Variants in TIAM1 observed in about 807,000 individuals in gnomAD.
The protein encoded by TIAM1 is TIAM Rac1 associated GEF 1.
Under a neutral mutation model 163.5 loss-of-function variants are expected in TIAM1, and 65 were observed. The ratio of observed to expected loss-of-function variants is 0.40; its 90% CI spans 0.33 to 0.49. The LOEUF (loss-of-function observed/expected upper bound fraction) is 0.49. TIAM1 is among the 20% of genes least tolerant of loss of function. TIAM1 has a pLI of 0.77. For synonymous variants in TIAM1, 833 were observed against 810.1 expected, an observed-to-expected ratio of 1.03 and a Z score of -0.48; for missense variants, 1,789 against 2,044.7, an observed-to-expected ratio of 0.87 and a Z score of 2.41.
At chr21:31,409,112 CT>C (rs200352360) in intron 2 of TIAM1, among the ~76,000 whole-genome samples, 565 of 141,082 alleles carry the variant, frequency 4.0e-3, no homozygotes, top group African/African-American at 0.011. Flanking sequence ...TTCTCCTTTT[CT>C]TTTTTTTTTT....
At chr21:31,450,105 G>A (rs970849059) in intron 2 of TIAM1, among the ~76,000 whole-genome samples, 3 of 152,250 alleles carry the variant, frequency 2.0e-5, no homozygotes, top group Admixed American at 1.3e-4. Flanking sequence ...CCTGGGCCCC[G>A]AAAGCATTGC....
rs544486980 is a variant in TIAM1, at chr21:31,159,971, C to A, written c.2991+4991G>T. ...CTTCTCAAGGAAGCAGAAATAAAGT[C>A]AAAAACACCTCAAGCCTTATAAAAG... is the stretch of plus-strand genomic sequence containing the variant. On this transcript the variant is annotated intron_variant, in intron 16 of 27. Coordinates refer to ENST00000541036, the MANE Select transcript of TIAM1 (RefSeq NM_001353694.2). Among the ~76,000 whole-genome samples the A allele has an allele frequency of 7.2e-5, 11 of 152,218 alleles. No individual in the cohort carries two copies. The East Asian group carries it at 1.5e-3, about 21-fold the overall frequency.
intron 6 of TIAM1, among the ~76,000 whole-genome samples, chr21:31,226,966 T>C (rs797011084): frequency 6.7e-6 from 1 of 148,912 alleles, no homozygotes; most frequent in South Asian, 2.2e-4. Context: ...TTTTTTTTTT[T>C]TTTTTTTTGA....
chr21:31,150,152 C>T (rs6517014), intron 19 of TIAM1, among the ~76,000 whole-genome samples: 17,854 of 152,066 alleles, frequency 0.12, 1,229 homozygotes, highest in African/African-American at 0.2. Flanking sequence ...TGTAACTTTT[C>T]TGTAAGTCTG....
rs868582991 is a variant in TIAM1 at position 31,430,271 on chromosome 21, C to T, written c.-369+33712G>A. On this transcript the variant is annotated intron_variant, in intron 2 of 28. Coordinates refer to the TIAM1 transcript ENST00000286827. ...ATACACACACACACACACACACACACACATATATATATATATTGCACAGTG... is the reference window on the plus strand; with the variant it reads ...ATACACACACACACACACACACACATACATATATATATATATTGCACAGTG... 2.9e-5 allele frequency among the ~76,000 whole-genome samples: 4 copies of T among 139,158 alleles called. 1 individual carries two copies. Among genetic ancestry groups the T allele is most frequent in the African/African-American group, 1.2e-4 (4 of 33,592 alleles). 91.3% of individuals were successfully genotyped at this position (139,158 alleles called of 152,430 possible).
intron 1 of TIAM1, among the ~76,000 whole-genome samples, chr21:31,543,454 T>C (rs1440519165): frequency 1.3e-5 from 2 of 152,012 alleles, no homozygotes; most frequent in Non-Finnish European, 2.9e-5. Context: ...ATCTAAGAGT[T>C]TGCGGTCTGG....
In TIAM1 at chr21:31,139,696, G is replaced by C. The variant is rs73899661; in HGVS notation, c.3774+1422C>G. Among the ~76,000 whole-genome samples the C allele has an allele frequency of 5.5e-3, 837 of 152,306 alleles. 7 individuals are homozygous for C. Among genetic ancestry groups the C allele is most frequent in the African/African-American group, 0.02 (813 of 41,568 alleles). On this transcript the variant is annotated intron_variant, in intron 22 of 27. Coordinates refer to ENST00000541036, the MANE Select transcript of TIAM1 (RefSeq NM_001353694.2). ...CCTTCATCTTTTCTATACTCTGATA[G>C]ATTAAATTACCTGCCAAGTAGTCTC...
intron 2 of TIAM1, among the ~76,000 whole-genome samples, chr21:31,414,027 G>GC (rs2043294559): frequency 6.6e-6 from 1 of 152,218 alleles, no homozygotes; most frequent in African/African-American, 2.4e-5. Flanking sequence ...GATGACAAAG[G>GC]CCTAAAAGGA....
intron 1 of TIAM1, among the ~76,000 whole-genome samples, chr21:31,342,148 T>G (rs2076039284): frequency 6.6e-6 from 1 of 151,674 alleles, no homozygotes; most frequent in East Asian, 1.9e-4. Context: ...TTAAACAAAT[T>G]TACAATTTAA....
At chr21:31,349,884 C>T (rs1055970302) in intron 2 of TIAM1, among the ~76,000 whole-genome samples, 1 of 152,208 alleles carries the variant, frequency 6.6e-6, no homozygotes, top group African/African-American at 2.4e-5. Context: ...TGCCTATTGG[C>T]AATGGAATGC....
At chr21:31,314,313 G>A (rs914076375) in intron 2 of TIAM1, among the ~76,000 whole-genome samples, 1 of 152,122 alleles carries the variant, frequency 6.6e-6, no homozygotes, top group Non-Finnish European at 1.5e-5. Flanking sequence ...ACTGATATTA[G>A]AGGTATCCTG....
At chr21:31,360,064 G>T (rs2147133374) in intron 2 of TIAM1, among the ~76,000 whole-genome samples, 1 of 152,138 alleles carries the variant, frequency 6.6e-6, no homozygotes, top group Non-Finnish European at 1.5e-5. Context: ...AAAGCCAAAG[G>T]CAGAGAGAAA....
chr21:31,475,025 T>TTTATTATTATTATTATTATTATTA lies in TIAM1; in HGVS notation c.-421-11014_-421-10991dup, dbSNP rs550390061. On this transcript the variant is annotated intron_variant, in intron 1 of 28. Coordinates refer to the TIAM1 transcript ENST00000286827. ...CATATAAGTTGCTGTGAGCTAGTTT[T>TTTATTATTATTATTATTATTATTA]TTATTATTATTATTATTATTATTAT... Among the ~76,000 whole-genome samples, 19 of 118,690 alleles carry TTTATTATTATTATTATTATTATTA rather than the reference T, an allele frequency of 1.6e-4. 1 individual carries two copies. The highest frequency in any genetic ancestry group is 1.1e-3 in the East Asian group (5 of 4,588). The allele number at this position is 118,690 out of a possible 152,430, so 77.9% of individuals were successfully genotyped here.
At chr21:31,405,946 T>G (rs1440665427) in intron 2 of TIAM1, among the ~76,000 whole-genome samples, 1 of 152,182 alleles carries the variant, frequency 6.6e-6, no homozygotes, top group Non-Finnish European at 1.5e-5. Flanking sequence ...TCCTAAGCCT[T>G]AACTCTAATA....
At position 31,422,298 on chromosome 21, in the gene TIAM1, C is replaced by T. The variant is rs985807114; in HGVS notation, c.-369+41685G>A. Among the ~76,000 whole-genome samples the T allele has an allele frequency of 1.8e-4, 27 of 152,124 alleles. 1 individual carries two copies. The highest frequency in any genetic ancestry group is 5.1e-4 in the African/African-American group (21 of 41,416). ...TACTTTACAGCTCCGTCTCAGGATA[C>T]GTATCAAGGATGGAAGATACTCCTG... On this transcript the variant is annotated intron_variant, in intron 2 of 28. Transcript: ENST00000286827.
intron 2 of TIAM1, among the ~76,000 whole-genome samples, chr21:31,460,210 G>C (rs145198660): frequency 6.2e-4 from 94 of 152,272 alleles, no homozygotes; most frequent in African/African-American, 2.2e-3. Context: ...AGGCAGTAGT[G>C]GGTGGGTGGT....
chr21:31,437,501 T>TAAAAAAAAAAAAAA (rs2044249807), intron 2 of TIAM1, among the ~76,000 whole-genome samples: 1 of 93,470 alleles, frequency 1.1e-5, no homozygotes, highest in Non-Finnish European at 1.9e-5. Flanking sequence ...AGACCCTGTC[T>TAAAAAAAAAAAAAA]CAAAAAAAAA....
intron 8 of TIAM1, among the ~76,000 whole-genome samples, chr21:31,222,676 CATATATAT>C (rs146567405): frequency 0.019 from 899 of 48,034 alleles, 25 homozygotes; most frequent in South Asian, 0.03. Context: ...TGTACACATA[CATATATAT>C]ATATATATAT....
At chr21:31,380,552 A>G (rs1037508716) in intron 2 of TIAM1, among the ~76,000 whole-genome samples, 1 of 152,136 alleles carries the variant, frequency 6.6e-6, no homozygotes, top group African/African-American at 2.4e-5. Flanking sequence ...TCAAAAAAAT[A>G]AAGTAATATA....
Sources: gnomAD v4.1 joint callset for allele counts (sites outside exome capture counted in the v4.1 genomes callset) on GRCh38, gnomAD v4.1.1 for gene constraint, MANE v1.5 for transcripts, NCBI Gene and HGNC (gene_info 2026-07-23, HGNC 2026-07-21) for gene names.